Variants in SLC2A13 observed in about 807,000 individuals in gnomAD.
SLC2A13 encodes the protein solute carrier family 2 member 13.
Under a neutral mutation model 64.4 loss-of-function variants are expected in SLC2A13, and 32 were observed. The observed-to-expected ratio is 0.50, with a 90% CI of 0.37 to 0.67. The LOEUF is 0.67. Among genes scored for constraint, SLC2A13 ranks in the 30% least tolerant of loss-of-function variants. The probability of loss-of-function intolerance (pLI) is 0.00; values close to 1 mark genes in which losing one functional copy is unlikely to be tolerated. For synonymous variants in SLC2A13, 338 were observed against 327.1 expected (o/e 1.03, Z -0.36); for missense variants, 743 against 829.2 (o/e 0.90, Z 1.28).
At chr12:40,095,986 G>A (rs557451865) in intron 1 of SLC2A13, among the ~76,000 whole-genome samples, 1 of 152,208 alleles carries the variant, frequency 6.6e-6, no homozygotes, top group African/African-American at 2.4e-5. Flanking sequence ...CCAGGCTGGA[G>A]TGCAGTGGCA....
chr12:39,941,431 T>G (rs1946023773), intron 4 of SLC2A13, among the ~76,000 whole-genome samples: 1 of 152,168 alleles, frequency 6.6e-6, no homozygotes, highest in African/African-American at 2.4e-5. Context: ...CATGCCAACA[T>G]CCACTGTTTT....
intron 7 of SLC2A13, among the ~76,000 whole-genome samples, chr12:39,805,150 G>T (rs1261851441): frequency 3.9e-5 from 6 of 152,196 alleles, no homozygotes; most frequent in Non-Finnish European, 8.8e-5. Flanking sequence ...GCCAGGCCAG[G>T]CCAGAGAGTT....
At chr12:39,856,261 T>C (rs1197292773) in intron 6 of SLC2A13, among the ~76,000 whole-genome samples, 2 of 151,980 alleles carry the variant, frequency 1.3e-5, no homozygotes, top group African/African-American at 4.8e-5. Flanking sequence ...ATCCATCCAT[T>C]CATCCATCCA....
chr12:39,931,665 A>G (rs1386358951), intron 4 of SLC2A13, among the ~76,000 whole-genome samples: 2 of 152,190 alleles, frequency 1.3e-5, no homozygotes, highest in African/African-American at 4.8e-5. Flanking sequence ...AGTGCCACAC[A>G]CTATTGGAAA....
At chr12:39,887,924 T>C (rs1038066415) in intron 4 of SLC2A13, among the ~76,000 whole-genome samples, 2 of 152,200 alleles carry the variant, frequency 1.3e-5, no homozygotes, top group African/African-American at 4.8e-5. Flanking sequence ...AATAATCCTT[T>C]TCCTTCTAAT....
chr12:39,777,797 C>G (rs1940829773), intron 7 of SLC2A13, among the ~76,000 whole-genome samples: 1 of 152,128 alleles, frequency 6.6e-6, no homozygotes, highest in African/African-American at 2.4e-5. Context: ...GGATGAGAGC[C>G]CAGTCCACTG....
At chr12:39,861,107 T>C (rs1309966113) in intron 6 of SLC2A13, among the ~76,000 whole-genome samples, 3 of 152,244 alleles carry the variant, frequency 2.0e-5, no homozygotes, top group South Asian at 4.1e-4. Flanking sequence ...AGGATCTTTG[T>C]ACCTGCCATT....
intron 4 of SLC2A13, among the ~76,000 whole-genome samples, chr12:39,905,729 G>C (rs1479311120): frequency 6.6e-6 from 1 of 150,512 alleles, no homozygotes. Flanking sequence ...ATCTCAGGAA[G>C]CAATCATGTA....
At chr12:39,784,215 A>G (rs1332568598) in intron 7 of SLC2A13, among the ~76,000 whole-genome samples, 1 of 152,164 alleles carries the variant, frequency 6.6e-6, no homozygotes, top group Middle Eastern at 3.2e-3. Context: ...ACAGAATTGG[A>G]AAAAACTACT....
chr12:39,768,394 T>C (rs1031955093), intron 7 of SLC2A13, among the ~76,000 whole-genome samples: 1 of 152,146 alleles, frequency 6.6e-6, no homozygotes, highest in East Asian at 1.9e-4. Flanking sequence ...AATTTTCTTT[T>C]GTAGTCACAA....
chr12:39,834,290 A>ACTAGGCATG (rs1299557939), intron 6 of SLC2A13, among the ~76,000 whole-genome samples: 1 of 152,032 alleles, frequency 6.6e-6, no homozygotes, highest in Non-Finnish European at 1.5e-5. Flanking sequence ...AACTGAAGGG[A>ACTAGGCATG]CTAGGCATGA....
At chr12:40,075,502 C>T (rs1240483138) in intron 1 of SLC2A13, among the ~76,000 whole-genome samples, 1 of 152,142 alleles carries the variant, frequency 6.6e-6, no homozygotes, top group Non-Finnish European at 1.5e-5. Flanking sequence ...TTAGAGCAGA[C>T]TGGTGACTAC....
intron 2 of SLC2A13, among the ~76,000 whole-genome samples, chr12:40,029,451 A>C (rs373912968): frequency 6.6e-6 from 1 of 152,178 alleles, no homozygotes; most frequent in East Asian, 1.9e-4. Context: ...CTAACAATAG[A>C]GCTCAGGAGG....
At chr12:40,061,700 C>T (rs1048707095) in intron 1 of SLC2A13, among the ~76,000 whole-genome samples, 6 of 151,942 alleles carry the variant, frequency 3.9e-5, no homozygotes, top group Non-Finnish European at 8.8e-5. Flanking sequence ...TGAACCCAAT[C>T]CCCCATGAAC....
At chr12:39,826,743 A>G (rs1942688710) in intron 7 of SLC2A13, among the ~76,000 whole-genome samples, 1 of 151,288 alleles carries the variant, frequency 6.6e-6, no homozygotes. Flanking sequence ...ATTATAACAC[A>G]TATATATGTC....
chr12:40,092,518 C>T (rs1039342057), intron 1 of SLC2A13, among the ~76,000 whole-genome samples: 2 of 152,158 alleles, frequency 1.3e-5, no homozygotes, highest in African/African-American at 2.4e-5. Flanking sequence ...AAATTTATCA[C>T]ATCATTATAC....
intron 3 of SLC2A13, among the ~76,000 whole-genome samples, chr12:39,955,880 G>C (rs1946306374): frequency 6.6e-6 from 1 of 152,166 alleles, no homozygotes; most frequent in African/African-American, 2.4e-5. Context: ...GGACTCTGGA[G>C]GGGGTGTGGG....
intron 4 of SLC2A13, among the ~76,000 whole-genome samples, chr12:39,923,698 A>G (rs1274207073): frequency 6.8e-6 from 1 of 146,646 alleles, no homozygotes; most frequent in African/African-American, 2.7e-5. Context: ...GCGCACGCGC[A>G]CACACACACA....
chr12:39,856,139 A>G (rs887262275), intron 6 of SLC2A13, among the ~76,000 whole-genome samples: 2 of 152,140 alleles, frequency 1.3e-5, no homozygotes, highest in Non-Finnish European at 2.9e-5. Context: ...TGCCACATAT[A>G]CCTAAGTTCC....
Sources: allele counts gnomAD v4.1 joint callset (sites outside exome capture counted in the v4.1 genomes callset), GRCh38; gene constraint gnomAD v4.1.1; transcripts MANE v1.5; gene names NCBI Gene and HGNC (gene_info 2026-07-23, HGNC 2026-07-21).